Variants in DNAH14 observed in about 807,000 individuals in gnomAD.
The protein encoded by DNAH14 is axonemal beta dynein heavy chain 14.
DNAH14 carries 478 observed loss-of-function variants against 520.9 expected under a neutral mutation model. The observed-to-expected ratio is 0.92, with a 90% CI of 0.85 to 0.99. The LOEUF is 0.99. Ranked by LOEUF, DNAH14 falls within the 50% of genes least tolerant of loss-of-function variation. The pLI is 0.00. For synonymous variants in DNAH14, 1,581 were observed against 1,757.2 expected, an observed-to-expected ratio of 0.90 and a Z score of 2.51; for missense variants, 4,831 against 5,234.5, an observed-to-expected ratio of 0.92 and a Z score of 2.38.
chr1:225,160,719 A>G (rs929300004), intron 35 of DNAH14, among the ~76,000 whole-genome samples: 12 of 152,080 alleles, frequency 7.9e-5, no homozygotes, highest in African/African-American at 2.9e-4. Flanking sequence ...TGTTTCTGAG[A>G]TTATTTGCTC....
chr1:225,146,981 G>A, intron 30 of DNAH14, 123 bp from the exon 31 acceptor site: 1 of 697,976 alleles, frequency 1.4e-6, no homozygotes, highest in South Asian at 2.5e-5. Context: ...CTAGGAGGGG[G>A]AAATGCAAAA....
chr1:225,193,590 A>T (rs2085729354), intron 38 of DNAH14, among the ~76,000 whole-genome samples: 1 of 152,150 alleles, frequency 6.6e-6, no homozygotes, highest in Non-Finnish European at 1.5e-5. Flanking sequence ...AAAACAATAC[A>T]TCATACTGAG....
At chr1:225,391,624 G>C (rs182706580) in intron 83 of DNAH14, among the ~76,000 whole-genome samples, 1 of 152,064 alleles carries the variant, frequency 6.6e-6, no homozygotes, top group Non-Finnish European at 1.5e-5. Context: ...GGACAGGGGT[G>C]GGGGGAGAAG....
chr1:225,164,094 A>G (rs999775728), intron 35 of DNAH14, among the ~76,000 whole-genome samples: 1 of 151,960 alleles, frequency 6.6e-6, no homozygotes, highest in Non-Finnish European at 1.5e-5. Flanking sequence ...CTAATTCTTT[A>G]TTTATCCATC....
chr1:225,177,073 G>T (rs933783819), intron 36 of DNAH14, among the ~76,000 whole-genome samples: 7 of 152,118 alleles, frequency 4.6e-5, no homozygotes, highest in African/African-American at 1.4e-4. Flanking sequence ...TTGATCAAAA[G>T]CCTGATAGCA....
In DNAH14 at chr1:225,167,975, C is replaced by T. The variant is rs756203975; in HGVS notation, c.5482C>T (p.Gln1828Ter). The change falls in exon 36 of 86, where the codon CAA (glutamine) becomes TAA (stop). Residue 1828 changes from glutamine to a stop codon, truncating the protein, a stop_gained. Coordinates refer to ENST00000682510, the MANE Select transcript of DNAH14 (RefSeq NM_001367479.1). LOFTEE classifies it high-confidence loss of function. The part of the protein sequence containing the change: ...IYTATQQLGL[Q>*]NWSSQKEKII... ...TACTGCAACTCAGCAATTGGGTTTA[C>T]AAAACTGGTCATCTCAGAAAGAGAA... The T allele has an allele frequency of 6.5e-6, 10 of 1,537,734 alleles. No homozygotes were observed. The highest frequency in any genetic ancestry group is 7.9e-6 in the Non-Finnish European group (9 of 1,140,650).
intron 1 of DNAH14, among the ~76,000 whole-genome samples, chr1:224,935,486 C>T (rs1571859752): frequency 6.6e-6 from 1 of 151,778 alleles, no homozygotes; most frequent in East Asian, 1.9e-4. Context: ...AAGACAAGGT[C>T]GTTATATAAT....
At chr1:225,341,215 C>T (rs949053165) in intron 69 of DNAH14, among the ~76,000 whole-genome samples, 1 of 152,158 alleles carries the variant, frequency 6.6e-6, no homozygotes, top group African/African-American at 2.4e-5. Context: ...AGCAATTCTC[C>T]AGCCTCAACT....
intron 1 of DNAH14, among the ~76,000 whole-genome samples, chr1:224,937,867 A>T (rs144273122): frequency 2.0e-5 from 3 of 152,180 alleles, no homozygotes; most frequent in Non-Finnish European, 2.9e-5. Context: ...GACCAATGGA[A>T]CAGAAGAGAG....
intron 62 of DNAH14, among the ~76,000 whole-genome samples, chr1:225,323,391 C>T (rs1037623149): frequency 6.6e-6 from 1 of 152,216 alleles, no homozygotes; most frequent in South Asian, 2.1e-4. Context: ...AAAGCTACTG[C>T]AACAACAGTA....
intron 5 of DNAH14, 95 bp downstream of exon 5, chr1:224,964,704 AACATT>A (rs755916841): frequency 4.7e-6 from 5 of 1,074,878 alleles, no homozygotes; most frequent in African/African-American, 3.2e-5. Context: ...GTCAAAGTCA[AACATT>A]ACATTAATAT....
chr1:225,232,131 A>G lies in DNAH14; in HGVS notation c.6518+980A>G, dbSNP rs2091184336. Among the ~76,000 whole-genome samples, 2 of 152,172 alleles carry G rather than the reference A, an allele frequency of 1.3e-5. No homozygotes were observed. Among genetic ancestry groups the G allele is most frequent in the African/African-American group, 4.8e-5 (2 of 41,450 alleles). On this transcript the variant is annotated intron_variant, in intron 42 of 85. Coordinates refer to ENST00000682510, the MANE Select transcript of DNAH14 (RefSeq NM_001367479.1). The surrounding 1 kb of genome is among the most constrained non-coding windows in gnomAD (Gnocchi z 4.2). Reference sequence around the variant, plus strand: ...TTTGTGTGTTTTTAACTTTAAATAAATGAAATCATCCTGTATGATCTTCTG... The same window carrying G: ...TTTGTGTGTTTTTAACTTTAAATAAGTGAAATCATCCTGTATGATCTTCTG...
chr1:225,208,702 C>A (rs2087931296), intron 41 of DNAH14, among the ~76,000 whole-genome samples: 2 of 152,034 alleles, frequency 1.3e-5, no homozygotes, highest in South Asian at 4.1e-4. Context: ...TTAAACATGA[C>A]AAAAAGTAAA....
intron 17 of DNAH14, among the ~76,000 whole-genome samples, chr1:225,073,818 T>C (rs1040990853): frequency 1.3e-5 from 2 of 151,818 alleles, no homozygotes; most frequent in Non-Finnish European, 2.9e-5. Flanking sequence ...CCCAAGAAGC[T>C]GGGACTACAG....
chr1:225,055,039 G>T (rs1353800612), intron 17 of DNAH14, among the ~76,000 whole-genome samples: 1 of 150,392 alleles, frequency 6.6e-6, no homozygotes, highest in Non-Finnish European at 1.5e-5. Context: ...GATCTTAAGT[G>T]ACCTCCCTCT....
chr1:225,331,743 G>T (rs78032721), intron 65 of DNAH14, among the ~76,000 whole-genome samples, 166 bp downstream of exon 65: 20,814 of 152,136 alleles, frequency 0.14, 1,648 homozygotes, highest in South Asian at 0.26. Flanking sequence ...AAGAAATCCT[G>T]TTTGAGTCGT....
intron 36 of DNAH14, among the ~76,000 whole-genome samples, chr1:225,173,858 T>G (rs80045052): frequency 6.6e-6 from 1 of 152,038 alleles, no homozygotes; most frequent in Non-Finnish European, 1.5e-5. Flanking sequence ...TTGGAACCAA[T>G]CCAAATGTCC....
At chr1:225,213,468 A>T (rs1359418278) in intron 41 of DNAH14, among the ~76,000 whole-genome samples, 1 of 152,166 alleles carries the variant, frequency 6.6e-6, no homozygotes, top group Non-Finnish European at 1.5e-5. Flanking sequence ...CTTGAAGAGG[A>T]TGGCATTGAA....
intron 77 of DNAH14, among the ~76,000 whole-genome samples, 184 bp from the exon 78 acceptor site, chr1:225,374,504 G>A (rs1244753729): frequency 3.3e-5 from 5 of 151,622 alleles, no homozygotes; most frequent in African/African-American, 7.2e-5. Context: ...CAAATGATCC[G>A]CCTGCCTTGG....
Sources: allele counts gnomAD v4.1 joint callset (sites outside exome capture counted in the v4.1 genomes callset), GRCh38; gene constraint gnomAD v4.1.1; non-coding constraint Gnocchi (gnomAD v3.1); transcripts MANE v1.5; gene names NCBI Gene and HGNC (gene_info 2026-07-23, HGNC 2026-07-21).